The following SLC35A5 variants were observed in gnomAD, a reference collection of about 807,000 sequenced individuals.
SLC35A5 encodes the protein UDP-sugar transporter protein SLC35A5.
A neutral mutation model predicts 36.3 loss-of-function variants in SLC35A5; 28 were observed. That is an observed-to-expected ratio of 0.77 (90% confidence interval 0.57 to 1.06). The LOEUF (loss-of-function observed/expected upper bound fraction) is 1.06. Ranked by LOEUF, SLC35A5 falls within the 50% of genes least tolerant of loss-of-function variation. The pLI is 0.00. For missense variants in SLC35A5, 521 were observed against 499.3 expected, an observed-to-expected ratio of 1.04 and a Z score of -0.41; for synonymous variants, 180 against 173.7, an observed-to-expected ratio of 1.04 and a Z score of -0.29.
At chr3:112,577,433 T>C (rs1934721579) in intron 5 of SLC35A5, among the ~76,000 whole-genome samples, 1 of 152,226 alleles carries the variant, frequency 6.6e-6, no homozygotes, top group Admixed American at 6.5e-5. Context: ...AGATTTGTTC[T>C]TTGAAGTATA....
Position 112,573,192 on chromosome 3 carries a change from A to T in SLC35A5, c.361-697A>T, listed in dbSNP as rs948610317. On this transcript the variant is annotated intron_variant, in intron 4 of 6. Transcript: ENST00000492406. ...GGGTGAAGTACATCCTAAGATTTGC[A>T]TTAAAAAATTATTAACTATTGTCAG... 5.3e-5 allele frequency among the ~76,000 whole-genome samples: 8 copies of T among 152,338 alleles called. No homozygotes were observed. In the South Asian group the frequency reaches 1.4e-3, roughly 28 times the overall value.
At chr3:112,566,907 C>T (rs1024177737) in intron 2 of SLC35A5, among the ~76,000 whole-genome samples, 1 of 152,078 alleles carries the variant, frequency 6.6e-6, no homozygotes, top group Non-Finnish European at 1.5e-5. Context: ...AGGCCAAGGG[C>T]AGTAAGCCAG....
At position 112,584,377 on chromosome 3, in the gene SLC35A5, G is replaced by T. The variant is rs1935065202; in HGVS notation, c.*1641G>T. On this transcript the variant is annotated 3_prime_UTR_variant, in exon 7 of 7. Transcript: ENST00000492406. ...AGGTAAGGGAAATGAGGTACAGCAGGACCTTTCTAGGAAATGTGGCATACA... is the reference window on the plus strand; with the variant it reads ...AGGTAAGGGAAATGAGGTACAGCAGTACCTTTCTAGGAAATGTGGCATACA... 3.9e-5 allele frequency: 6 copies of T among 152,072 alleles called. No homozygotes were observed. The South Asian group carries it at 1.2e-3, about 32-fold the overall frequency. 9.4% of individuals were successfully genotyped at this position (152,072 alleles called of 1,614,324 possible).
chr3:112,570,223 T>TA (rs397736084), intron 3 of SLC35A5, among the ~76,000 whole-genome samples: 2 of 151,604 alleles, frequency 1.3e-5, no homozygotes, highest in Non-Finnish European at 2.9e-5. Flanking sequence ...TTTTTTTTTT[T>TA]AACTTATTTT....
In SLC35A5 at chr3:112,572,318, A is replaced by AAATAAT. The variant is rs751918634; in HGVS notation, c.361-1554_361-1549dup. On this transcript the variant is annotated intron_variant, in intron 4 of 6. Coordinates refer to ENST00000492406, the MANE Select transcript of SLC35A5 (RefSeq NM_017945.5). ...GTTTCAGTTACCCCCTCTATGAAAT[A>AAATAAT]AATAATAATAATAATAATAATATAC... is the stretch of plus-strand genomic sequence containing the variant. Among the ~76,000 whole-genome samples, 330 of 151,492 alleles carry AAATAAT rather than the reference A, an allele frequency of 2.2e-3. 3 individuals are homozygous for AAATAAT. Among genetic ancestry groups the AAATAAT allele is most frequent in the African/African-American group, 7.5e-3 (309 of 41,344 alleles).
At chr3:112,566,715 C>A (rs1390068790) in intron 2 of SLC35A5, among the ~76,000 whole-genome samples, 1 of 152,124 alleles carries the variant, frequency 6.6e-6, no homozygotes, top group Non-Finnish European at 1.5e-5. Context: ...GTTTGATAAT[C>A]TCAGAAAGGA....
chr3:112,581,263 A>G lies in SLC35A5; in HGVS notation c.1146A>G (p.Glu382=), dbSNP rs766329906. Residue 382 remains glutamate, a synonymous_variant, in exon 6 of 7, where the codon GAA becomes GAG. Coordinates refer to ENST00000492406, the MANE Select transcript of SLC35A5 (RefSeq NM_017945.5). ...IYNASKPQVP[E]YAPRQERIRD... is the part of the protein sequence containing the mutation. ...ATGCCAGCAAGCCTCAAGTTCCGGA[A>G]TACGCACCTAGGCAAGAAAGGATCC... The G allele has an allele frequency of 1.2e-6, 2 of 1,613,730 alleles. No individual in the cohort carries two copies. Among genetic ancestry groups the G allele is most frequent in the Admixed American group, 1.7e-5 (1 of 59,966 alleles).
chr3:112,563,851 G>A (rs905934532), intron 2 of SLC35A5, among the ~76,000 whole-genome samples: 4 of 143,512 alleles, frequency 2.8e-5, no homozygotes, highest in Non-Finnish European at 5.9e-5. Flanking sequence ...TTATTTTGAA[G>A]TAGAAGGATA....
intron 2 of SLC35A5, 23 bp from the exon 3 acceptor site, chr3:112,569,148 A>G: frequency 1.9e-6 from 3 of 1,575,228 alleles, no homozygotes; most frequent in Non-Finnish European, 2.6e-6. Flanking sequence ...ATATAGTTAA[A>G]AAACATTTCT....
chr3:112,570,467 T>G lies in SLC35A5; in HGVS notation c.230-73T>G. 2.0e-6 allele frequency: 3 copies of G among 1,482,380 alleles called. No individual in the cohort carries two copies. The South Asian group carries it at 4.0e-5, about 20-fold the overall frequency. 91.8% of individuals were successfully genotyped at this position (1,482,380 alleles called of 1,614,324 possible). A position where few individuals can be genotyped will look rare whatever the true frequency, so the allele number is the denominator to read the frequency against. ...TCCCTTTAAAGAATTGTATCAGTAATCAAGTGCAGTGTAATTTCTCTAAAA... is the reference window on the plus strand; with the variant it reads ...TCCCTTTAAAGAATTGTATCAGTAAGCAAGTGCAGTGTAATTTCTCTAAAA... On this transcript the variant is annotated intron_variant, in intron 3 of 6. Coordinates refer to ENST00000492406, the MANE Select transcript of SLC35A5 (RefSeq NM_017945.5).
intron 4 of SLC35A5, among the ~76,000 whole-genome samples, chr3:112,571,168 G>A (rs140087897): frequency 2.8e-4 from 42 of 152,182 alleles, no homozygotes; most frequent in African/African-American, 1.0e-3. Flanking sequence ...TCAAGGGTAG[G>A]GATCATGTCC....
intron 4 of SLC35A5, among the ~76,000 whole-genome samples, chr3:112,572,675 C>G (rs1256791554): frequency 6.6e-6 from 1 of 152,172 alleles, no homozygotes; most frequent in Non-Finnish European, 1.5e-5. Flanking sequence ...CACATGCATA[C>G]TCTGTGTATT....
chr3:112,579,443 A>G (rs553457478), intron 5 of SLC35A5, among the ~76,000 whole-genome samples: 150 of 151,176 alleles, frequency 9.9e-4, no homozygotes, highest in African/African-American at 3.4e-3. Context: ...TAACTAACTG[A>G]TCTTCAAACA....
chr3:112,574,108 G>A, intron 5 of SLC35A5, 152 bp downstream of exon 5: 1 of 581,208 alleles, frequency 1.7e-6, no homozygotes, highest in Non-Finnish European at 3.0e-6. Context: ...AAGCCATGTA[G>A]AAAGCAGCTC....
Position 112,573,909 on chromosome 3 carries a change from AAATTTTAGCATTAT to A in SLC35A5, c.384_397del (p.Phe129AsnfsTer36). ...TCTAGGCCATGGCTGTTATCTTCTC[AAATTTTAGCATTAT>A]AACAACAGCTCTTCTATTCAGGATA... On this transcript the variant is annotated frameshift_variant, in exon 5 of 7. Transcript: ENST00000492406. LOFTEE classifies it high-confidence loss of function. The A allele has an allele frequency of 6.2e-7, 1 of 1,613,520 alleles. No individual in the cohort carries two copies.
chr3:112,575,330 T>C (rs574199843), intron 5 of SLC35A5, among the ~76,000 whole-genome samples: 71 of 152,242 alleles, frequency 4.7e-4, no homozygotes, highest in African/African-American at 1.6e-3. Flanking sequence ...CAAAATTACA[T>C]CAATTTCAAA....
chr3:112,569,303 T>C (rs767675372), intron 3 of SLC35A5, 34 bp downstream of exon 3: 3 of 1,520,600 alleles, frequency 2.0e-6, no homozygotes, highest in Admixed American at 3.5e-5. Context: ...TACTTGTTAA[T>C]CATAGGACCA....
In SLC35A5 at chr3:112,569,151, A is replaced by C. The variant is rs761256901; in HGVS notation, c.131-20A>C. On this transcript the variant is annotated intron_variant, in intron 2 of 6. Coordinates refer to ENST00000492406, the MANE Select transcript of SLC35A5 (RefSeq NM_017945.5). ...ATGGAATAAAATATATAGTTAAAAAACATTTCTGTTACATTTCAGAAAACA... is the reference window on the plus strand; with the variant it reads ...ATGGAATAAAATATATAGTTAAAAACCATTTCTGTTACATTTCAGAAAACA... The C allele has an allele frequency of 5.1e-6, 8 of 1,577,720 alleles. No homozygotes were observed. The highest frequency in any genetic ancestry group is 7.0e-6 in the Non-Finnish European group (8 of 1,148,292).
chr3:112,562,186 A>G lies in SLC35A5; in HGVS notation c.-107A>G, dbSNP rs1398071848. The G allele has an allele frequency of 1.3e-5, 2 of 153,148 alleles. No individual in the cohort carries two copies. The highest frequency in any genetic ancestry group is 3.9e-4 in the East Asian group (2 of 5,194). 9.5% of individuals were successfully genotyped at this position (153,148 alleles called of 1,614,324 possible). A position where few individuals can be genotyped will look rare whatever the true frequency, so the allele number is the denominator to read the frequency against. On this transcript the variant is annotated 5_prime_UTR_variant, in exon 1 of 7. Coordinates refer to ENST00000492406, the MANE Select transcript of SLC35A5 (RefSeq NM_017945.5). ...TGTAGCTTCTCCACGTATGGACCCT[A>G]AAGGCTACTGCTGCTACTACGGGGC...
Sources: gnomAD v4.1 joint callset for allele counts (sites outside exome capture counted in the v4.1 genomes callset) on GRCh38, gnomAD v4.1.1 for gene constraint, MANE v1.5 for transcripts, NCBI Gene and HGNC (gene_info 2026-07-23, HGNC 2026-07-21) for gene names.